BAIAP2L2: variants seen among roughly 807,000 people sequenced by gnomAD.
BAIAP2L2 encodes the protein BAR/IMD domain-containing adapter protein 2-like 2.
BAIAP2L2 carries 65 observed loss-of-function variants against 60.4 expected under a neutral mutation model. The ratio of observed to expected loss-of-function variants is 1.08; its 90% CI spans 0.88 to 1.32. The LOEUF (loss-of-function observed/expected upper bound fraction) is 1.32. Among genes scored for constraint, BAIAP2L2 ranks in the 40% most tolerant of loss-of-function variants. The pLI is 0.00. For synonymous variants in BAIAP2L2, 344 were observed against 301.7 expected (o/e 1.14, Z -1.45); for missense variants, 836 against 741.2 (o/e 1.13, Z -1.48).
chr22:38,087,000 AAAAAAAAAC>A, intron 11 of BAIAP2L2, 115 bp downstream of exon 11: 11 of 1,265,528 alleles, frequency 8.7e-6, no homozygotes, highest in Non-Finnish European at 1.1e-5. Context: ...TGTCTCAAAA[AAAAAAAAAC>A]AAAACAAAAC....
intron 5 of BAIAP2L2, 92 bp from the exon 6 acceptor site, chr22:38,098,271 G>A (rs1054866521): frequency 2.7e-5 from 40 of 1,492,396 alleles, no homozygotes; most frequent in Non-Finnish European, 3.4e-5. Context: ...GAAGTTTGGA[G>A]ACTTGGGGCT....
chr22:38,087,144 G>GGTGTTCAT lies in BAIAP2L2; in HGVS notation c.1238_1239insATGAACAC (p.Gly414Ter), dbSNP rs1569215526. 1.9e-6 allele frequency: 3 copies of GGTGTTCAT among 1,587,140 alleles called. No homozygotes were observed. The highest frequency in any genetic ancestry group is 1.7e-6 in the Non-Finnish European group (2 of 1,169,286). On this transcript the variant is annotated stop_gained and frameshift_variant, in exon 11 of 14. Coordinates refer to ENST00000381669, the MANE Select transcript of BAIAP2L2 (RefSeq NM_025045.6). LOFTEE classifies it high-confidence loss of function. ...GGTACCTGGAAGGCAGCTCGTTCCC[G>GGTGTTCAT]GGGTTCATGGGTGTCATGGGGGACA...
Position 38,098,155 on chromosome 22 carries a change from CG to C in BAIAP2L2, c.372del (p.Glu125SerfsTer30). The part of the protein sequence containing the change: ...FIKDSRQHYE[L>X]EYRHRAANLE... ...AGGTTGGCCGCTCGGTGGCGGTACT[CG>C]AGCTCATAGTGCTGGCGGCTGTCCT... On this transcript the variant is annotated frameshift_variant, in exon 6 of 14. Transcript: ENST00000381669. LOFTEE classifies it high-confidence loss of function. The C allele has an allele frequency of 6.2e-7, 1 of 1,614,064 alleles. No homozygotes were observed. Among genetic ancestry groups the C allele is most frequent in the Non-Finnish European group, 8.5e-7 (1 of 1,180,028 alleles).
intron 7 of BAIAP2L2, among the ~76,000 whole-genome samples, chr22:38,093,229 T>C (rs1376468891): frequency 2.6e-5 from 4 of 152,200 alleles, no homozygotes. Context: ...CCATGTGATA[T>C]GAACTTCCCC....
At position 38,101,371 on chromosome 22, in the gene BAIAP2L2, T is replaced by TAAAAA. The variant is rs529893934; in HGVS notation, c.277-2894_277-2890dup. Reference sequence around the variant, plus strand: ...AACATAGTAAGATGCTGTCTCTACATAAAAAAAAAAAAAAAAAAAAAAAAA... The same window carrying TAAAAA: ...AACATAGTAAGATGCTGTCTCTACATAAAAAAAAAAAAAAAAAAAAAAAAAAAAAA... On this transcript the variant is annotated intron_variant, in intron 4 of 13. Coordinates refer to ENST00000381669, the MANE Select transcript of BAIAP2L2 (RefSeq NM_025045.6). 5.0e-4 allele frequency among the ~76,000 whole-genome samples: 40 copies of TAAAAA among 80,728 alleles called. 2 individuals are homozygous for TAAAAA. The highest frequency in any genetic ancestry group is 6.4e-3 in the Middle Eastern group (1 of 156). The allele number at this position is 80,728 out of a possible 152,430, so 53.0% of individuals were successfully genotyped here.
intron 4 of BAIAP2L2, among the ~76,000 whole-genome samples, 158 bp downstream of exon 4, chr22:38,107,694 G>A (rs909491243): frequency 6.6e-6 from 1 of 152,110 alleles, no homozygotes; most frequent in African/African-American, 2.4e-5. Context: ...AGGCTTGAAC[G>A]ACTATTGCAG....
At chr22:38,102,745 A>G (rs1273882943) in intron 4 of BAIAP2L2, among the ~76,000 whole-genome samples, 2 of 152,084 alleles carry the variant, frequency 1.3e-5, no homozygotes, top group Non-Finnish European at 2.9e-5. Flanking sequence ...GAGTTTAAAA[A>G]TTATCCAGGC....
intron 12 of BAIAP2L2, 64 bp from the exon 13 acceptor site, chr22:38,085,796 C>A: frequency 7.1e-7 from 1 of 1,416,234 alleles, no homozygotes; most frequent in Non-Finnish European, 9.6e-7. Context: ...CTTGCTCCTC[C>A]CCTCCCTCTC....
At position 38,109,187 on chromosome 22, in the gene BAIAP2L2, G is replaced by A. The variant is rs771365785; in HGVS notation, c.73C>T (p.Pro25Ser). 2 of 1,612,892 alleles carry A rather than the reference G, an allele frequency of 1.2e-6. No homozygotes were observed. Among genetic ancestry groups the A allele is most frequent in the Non-Finnish European group, 1.7e-6 (2 of 1,179,366 alleles). ...AGGTACACCAGGTTCTCCAGGGCGGGGTTAAACTGCTCCATGATGCTCTGG... is the reference window on the plus strand; with the variant it reads ...AGGTACACCAGGTTCTCCAGGGCGGAGTTAAACTGCTCCATGATGCTCTGG... ...IYKSIMEQFN[P>S]ALENLVYLGN... The change falls in exon 2 of 14, where the codon CCC (proline) becomes TCC (serine). Residue 25 changes from proline (P) to serine (S), a missense_variant. Transcript: ENST00000381669.
chr22:38,104,333 C>A (rs994788964), intron 4 of BAIAP2L2, among the ~76,000 whole-genome samples: 6 of 152,090 alleles, frequency 3.9e-5, no homozygotes, highest in Non-Finnish European at 7.3e-5. Flanking sequence ...GGCTCCGGAT[C>A]CAGAGGACAG....
chr22:38,099,607 G>A (rs894340661), intron 4 of BAIAP2L2, among the ~76,000 whole-genome samples: 1 of 152,146 alleles, frequency 6.6e-6, no homozygotes, highest in Admixed American at 6.5e-5. Flanking sequence ...TCGATTCTGT[G>A]GGCCCAGGTG....
In BAIAP2L2 at chr22:38,085,143, A is replaced by T; in HGVS notation, c.*157T>A. ...CTCGGACCCCAAGCCAGTGCTTTGG[A>T]GCTGCTCAGGCTGCCGGGGTGGTCT... On this transcript the variant is annotated 3_prime_UTR_variant, in exon 14 of 14. Coordinates refer to ENST00000381669, the MANE Select transcript of BAIAP2L2 (RefSeq NM_025045.6). 2.9e-6 allele frequency: 2 copies of T among 689,414 alleles called. No homozygotes were observed. Among genetic ancestry groups the T allele is most frequent in the Non-Finnish European group, 4.9e-6 (2 of 408,740 alleles). 42.7% of individuals were successfully genotyped at this position (689,414 alleles called of 1,614,324 possible).
intron 12 of BAIAP2L2, 66 bp from the exon 13 acceptor site, chr22:38,085,798 C>G (rs139550106): frequency 1.4e-6 from 2 of 1,421,212 alleles, no homozygotes. Context: ...TGCTCCTCCC[C>G]TCCCTCTCCC....
chr22:38,109,267 A>G, intron 1 of BAIAP2L2, 59 bp from the exon 2 acceptor site: 1 of 1,389,900 alleles, frequency 7.2e-7, no homozygotes. Context: ...AGAAGGAACC[A>G]CGGATGGAGT....
intron 7 of BAIAP2L2, among the ~76,000 whole-genome samples, chr22:38,092,774 T>C (rs951121532): frequency 1.6e-5 from 1 of 64,124 alleles, no homozygotes; most frequent in Non-Finnish European, 2.8e-5. Flanking sequence ...AGGTGGGATC[T>C]AGTGGGAGGT....
intron 11 of BAIAP2L2, among the ~76,000 whole-genome samples, 173 bp from the exon 12 acceptor site, chr22:38,086,622 C>T (rs1484040431): frequency 2.0e-5 from 3 of 151,528 alleles, no homozygotes; most frequent in African/African-American, 2.4e-5. Flanking sequence ...GAGGGATGGA[C>T]GCAGTGACCT....
rs2086196698 is a variant in BAIAP2L2, at chr22:38,089,106, CG to C, written c.890del (p.Thr297SerfsTer86). On this transcript the variant is annotated frameshift_variant, in exon 9 of 14. Coordinates refer to ENST00000381669, the MANE Select transcript of BAIAP2L2 (RefSeq NM_025045.6). LOFTEE classifies it high-confidence loss of function. ...LEPDRRSLPR[T>X]PSASSLYSGS... ...GGCGGGGGCACTCACAGGCCGACGGCGTGCGGGGCAGGGAGCGACGGTCTGG... is the reference window on the plus strand; with the variant it reads ...GGCGGGGGCACTCACAGGCCGACGGCTGCGGGGCAGGGAGCGACGGTCTGG... 2.2e-6 allele frequency: 3 copies of C among 1,374,640 alleles called. No individual in the cohort carries two copies. The highest frequency in any genetic ancestry group is 2.8e-6 in the Non-Finnish European group (3 of 1,070,292). The allele number at this position is 1,374,640 out of a possible 1,614,324, so 85.2% of individuals were successfully genotyped here.
chr22:38,087,027 C>CA (rs1029950529), intron 11 of BAIAP2L2, 97 bp downstream of exon 11: 199 of 1,225,722 alleles, frequency 1.6e-4, no homozygotes, highest in Non-Finnish European at 1.8e-4. Context: ...AACAAAAAAA[C>CA]AAAAAAACAA....
chr22:38,094,515 T>C (rs1049331837), intron 7 of BAIAP2L2, among the ~76,000 whole-genome samples: 1 of 152,138 alleles, frequency 6.6e-6, no homozygotes, highest in Non-Finnish European at 1.5e-5. Context: ...GTGGAGGGTA[T>C]TGAAAATATT....
Sources: gnomAD v4.1 joint callset for allele counts (sites outside exome capture counted in the v4.1 genomes callset) on GRCh38, gnomAD v4.1.1 for gene constraint, MANE v1.5 for transcripts, NCBI Gene and HGNC (gene_info 2026-07-23, HGNC 2026-07-21) for gene names.